The following HPSE2 variants were observed in gnomAD, a reference collection of about 807,000 sequenced individuals.
The protein encoded by HPSE2 is heparanase 2 (inactive).
Under a neutral mutation model 60.5 loss-of-function variants are expected in HPSE2, and 38 were observed. That is an observed-to-expected ratio of 0.63 (90% confidence interval 0.48 to 0.82). The LOEUF (loss-of-function observed/expected upper bound fraction) is 0.82. Ranked by LOEUF, HPSE2 falls within the 40% of genes least tolerant of loss-of-function variation. The pLI is 0.00. For missense variants in HPSE2, 713 were observed against 740.4 expected (o/e 0.96, Z 0.43); for synonymous variants, 295 against 293.2 (o/e 1.01, Z -0.06).
In HPSE2 at chr10:99,129,061, T is replaced by C. The variant is rs141047542; in HGVS notation, c.610+15177A>G. 2.2e-3 allele frequency among the ~76,000 whole-genome samples: 329 copies of C among 152,128 alleles called. 1 individual carries two copies. The highest frequency in any genetic ancestry group is 7.3e-3 in the African/African-American group (305 of 41,510). On this transcript the variant is annotated intron_variant, in intron 3 of 11. Transcript: ENST00000370552. Reference sequence around the variant, plus strand: ...CAGTTTAAAAAGACAAAGAGGGACATTACACAAAGCTAAAAGGATCAGTCC... The same window carrying C: ...CAGTTTAAAAAGACAAAGAGGGACACTACACAAAGCTAAAAGGATCAGTCC...
At chr10:98,942,944 A>T (rs1214331955) in intron 3 of HPSE2, among the ~76,000 whole-genome samples, 2 of 151,806 alleles carry the variant, frequency 1.3e-5, no homozygotes, top group East Asian at 3.9e-4. Flanking sequence ...ACATGGATGA[A>T]ATTGGAAATC....
chr10:98,608,035 TC>T lies in HPSE2; in HGVS notation c.1320+6868del, dbSNP rs571334531. Among the ~76,000 whole-genome samples the T allele has an allele frequency of 7.1e-3, 1,083 of 152,312 alleles. 17 individuals carry two copies. The highest frequency in any genetic ancestry group is 0.025 in the African/African-American group (1,030 of 41,576). ...CATATTCATTGGCTCGTTTAATCTT[TC>T]CAACAACCCTCTGAGGTAGACACTA... On this transcript the variant is annotated intron_variant, in intron 9 of 11. Coordinates refer to ENST00000370552, the MANE Select transcript of HPSE2 (RefSeq NM_021828.5).
At chr10:98,884,669 G>A (rs1313377441) in intron 3 of HPSE2, among the ~76,000 whole-genome samples, 4 of 152,120 alleles carry the variant, frequency 2.6e-5, no homozygotes, top group African/African-American at 9.7e-5. Context: ...TTTGGCACCA[G>A]GGACTGGTTT....
At chr10:98,827,999 G>T (rs1951592656) in intron 3 of HPSE2, among the ~76,000 whole-genome samples, 1 of 152,036 alleles carries the variant, frequency 6.6e-6, no homozygotes, top group East Asian at 1.9e-4. Context: ...GAAAAGATTG[G>T]CCTCCCCAGG....
chr10:98,803,622 A>C (rs1388092702), intron 3 of HPSE2, among the ~76,000 whole-genome samples: 1 of 151,748 alleles, frequency 6.6e-6, no homozygotes, highest in Non-Finnish European at 1.5e-5. Flanking sequence ...GTCAAAGATC[A>C]GATAGTTGTA....
chr10:98,671,161 A>G (rs1947496902), intron 6 of HPSE2, among the ~76,000 whole-genome samples: 1 of 152,184 alleles, frequency 6.6e-6, no homozygotes, highest in South Asian at 2.1e-4. Context: ...AGATTTGCTA[A>G]TGAATTGCCT....
chr10:98,879,218 G>A (rs1346204138), intron 3 of HPSE2, among the ~76,000 whole-genome samples: 1 of 152,000 alleles, frequency 6.6e-6, no homozygotes, highest in Non-Finnish European at 1.5e-5. Context: ...AGTCATGGAT[G>A]CAGATAAAAG....
At chr10:98,894,141 C>T (rs1953416371) in intron 3 of HPSE2, among the ~76,000 whole-genome samples, 1 of 152,030 alleles carries the variant, frequency 6.6e-6, no homozygotes, top group East Asian at 1.9e-4. Context: ...ATTGCTGGTG[C>T]CCAAAAGCAC....
At chr10:98,459,993 G>A (rs548699695) in intron 11 of HPSE2, among the ~76,000 whole-genome samples, 1 of 150,384 alleles carries the variant, frequency 6.6e-6, no homozygotes, top group African/African-American at 2.4e-5. Context: ...GAGTGGCTAG[G>A]TGACTTGTCC....
intron 3 of HPSE2, among the ~76,000 whole-genome samples, chr10:98,984,664 G>A (rs990331842): frequency 6.6e-5 from 10 of 152,204 alleles, no homozygotes; most frequent in African/African-American, 2.4e-4. Flanking sequence ...CGAGTTGAGA[G>A]AAGAAGGCTT....
At chr10:98,941,507 G>C (rs1955000146) in intron 3 of HPSE2, among the ~76,000 whole-genome samples, 1 of 142,710 alleles carries the variant, frequency 7.0e-6, no homozygotes, top group South Asian at 2.1e-4. Context: ...AAATACCTAG[G>C]AGTCCAACCT....
chr10:98,520,353 G>A (rs1942748074), intron 9 of HPSE2, among the ~76,000 whole-genome samples: 1 of 152,310 alleles, frequency 6.6e-6, no homozygotes, highest in East Asian at 1.9e-4. Flanking sequence ...CTCCTCGCTC[G>A]TGAGCAGTTC....
chr10:98,847,756 T>G (rs1395799384), intron 3 of HPSE2, among the ~76,000 whole-genome samples: 3 of 152,220 alleles, frequency 2.0e-5, no homozygotes, highest in Non-Finnish European at 2.9e-5. Flanking sequence ...GACATGTCTG[T>G]GTGACCATAT....
chr10:99,237,491 C>T (rs573981511), upstream of HPSE2, among the ~76,000 whole-genome samples: 92 of 152,304 alleles, frequency 6.0e-4, no homozygotes, highest in Non-Finnish European at 1.2e-3. Flanking sequence ...CCTCTACCAA[C>T]CTAAGCACCC....
intron 3 of HPSE2, among the ~76,000 whole-genome samples, chr10:99,098,900 G>A (rs1415427928): frequency 6.6e-6 from 1 of 152,144 alleles, no homozygotes; most frequent in African/African-American, 2.4e-5. Context: ...TAAAGAGCAG[G>A]TCTGATTTTA....
intron 3 of HPSE2, among the ~76,000 whole-genome samples, chr10:98,990,770 T>G (rs944864094): frequency 6.6e-6 from 1 of 152,214 alleles, no homozygotes; most frequent in Non-Finnish European, 1.5e-5. Context: ...TTGGAGACAT[T>G]GTTAGCTTCT....
intron 5 of HPSE2, among the ~76,000 whole-genome samples, chr10:98,700,941 T>TA (rs577813128): frequency 0.027 from 1,738 of 65,386 alleles, 527 homozygotes; most frequent in African/African-American, 0.053. Context: ...CACAATGAGA[T>TA]ACCATCTCAC....
intron 3 of HPSE2, among the ~76,000 whole-genome samples, chr10:99,074,228 TC>T (rs1359759951): frequency 6.6e-6 from 1 of 152,148 alleles, no homozygotes; most frequent in Non-Finnish European, 1.5e-5. Context: ...GTAATGTCCT[TC>T]TTTTCCCAGT....
intron 9 of HPSE2, among the ~76,000 whole-genome samples, chr10:98,498,363 C>T (rs186571453): frequency 1.2e-3 from 182 of 152,248 alleles, no homozygotes; most frequent in African/African-American, 4.3e-3. Flanking sequence ...ACTGGGTAGA[C>T]TTGCTGGGTG....
Sources: gnomAD v4.1 joint callset for allele counts (sites outside exome capture counted in the v4.1 genomes callset) on GRCh38, gnomAD v4.1.1 for gene constraint, MANE v1.5 for transcripts, NCBI Gene and HGNC (gene_info 2026-07-23, HGNC 2026-07-21) for gene names.